The following NEAT1 variants were observed in gnomAD, a reference collection of about 807,000 sequenced individuals.
NEAT1 encodes the protein nuclear paraspeckle assembly transcript 1, also known as MENepsilon/beta.
At chr11:65,442,260 C>T (rs1185370071) in exon 1 of NEAT1, 1 of 152,150 alleles carries the variant, frequency 6.6e-6, no homozygotes, top group Non-Finnish European at 1.5e-5. Flanking sequence ...GGACAGGCCT[C>T]AGGTGGCAAT....
exon 1 of NEAT1, chr11:65,424,670 G>A (rs1396557245): frequency 2.0e-5 from 3 of 152,206 alleles, no homozygotes; most frequent in African/African-American, 2.4e-5. Flanking sequence ...GGTACAAGTT[G>A]GTCATTCCTA....
At chr11:65,435,056 TCTGCACCCAGGTCA>T (rs1194589774) in exon 1 of NEAT1, 2 of 152,254 alleles carry the variant, frequency 1.3e-5, no homozygotes, top group Non-Finnish European at 2.9e-5. Context: ...AACCCAGTGC[TCTGCACCCAGGTCA>T]CACTGTGGCT....
At chr11:65,430,966 G>A (rs1026705222) in exon 1 of NEAT1, 1 of 152,036 alleles carries the variant, frequency 6.6e-6, no homozygotes. Flanking sequence ...TAAGTATGTC[G>A]CCATTGTTGT....
At chr11:65,425,562 G>A (rs1167066819) in exon 1 of NEAT1, 1 of 152,156 alleles carries the variant, frequency 6.6e-6, no homozygotes, top group Non-Finnish European at 1.5e-5. Context: ...GGAAGTCTTA[G>A]AAAAGCCTTG....
At chr11:65,437,347 CCTAA>C (rs1856671286) in exon 1 of NEAT1, 4 of 151,198 alleles carry the variant, frequency 2.6e-5, no homozygotes, top group South Asian at 2.1e-4. Flanking sequence ...CATGTTTTCT[CCTAA>C]CTCTTTTTAT....
exon 1 of NEAT1, chr11:65,433,459 A>G (rs969243323): frequency 1.8e-4 from 28 of 152,300 alleles, no homozygotes; most frequent in African/African-American, 6.7e-4. Flanking sequence ...AGGACACAAC[A>G]TGGCTCTCTT....
chr11:65,427,279 T>A (rs1856570920), exon 1 of NEAT1: 2 of 152,434 alleles, frequency 1.3e-5, no homozygotes, highest in South Asian at 4.1e-4. Context: ...GCCTCTGTGC[T>A]GAGAAGGAAG....
exon 1 of NEAT1, chr11:65,435,402 A>C (rs1856649378): frequency 6.6e-6 from 1 of 152,202 alleles, no homozygotes; most frequent in African/African-American, 2.4e-5. Flanking sequence ...CCTAAAATGG[A>C]ATCATACAAG....
chr11:65,444,807 G>A (rs1005717424), exon 1 of NEAT1: 12 of 253,708 alleles, frequency 4.7e-5, no homozygotes, highest in South Asian at 7.6e-5. Flanking sequence ...ACTTCATTTC[G>A]AGTGATGGCA....
exon 1 of NEAT1, chr11:65,423,496 G>A (rs1590669968): frequency 6.6e-6 from 1 of 152,238 alleles, no homozygotes; most frequent in African/African-American, 2.4e-5. Context: ...GGTGGTCTGA[G>A]GAGTGATGTG....
chr11:65,428,184 T>A (rs1740623464), exon 1 of NEAT1: 1 of 152,234 alleles, frequency 6.6e-6, no homozygotes, highest in Admixed American at 6.5e-5. Flanking sequence ...GGTAATATAA[T>A]AGAATTCAGT....
chr11:65,444,579 G>A (rs774110265), exon 1 of NEAT1: 3 of 470,852 alleles, frequency 6.4e-6, no homozygotes, highest in East Asian at 6.8e-5. Flanking sequence ...CAGAGCTCGT[G>A]GGGGGCTCCC....
chr11:65,422,971 A>T (rs1856513075), exon 1 of NEAT1: 1 of 152,326 alleles, frequency 6.6e-6, no homozygotes, highest in Admixed American at 6.6e-5. Flanking sequence ...GGGGGACCAC[A>T]GTGGGGCAGG....
chr11:65,440,880 A>G (rs1245013468), exon 1 of NEAT1: 1 of 151,114 alleles, frequency 6.6e-6, no homozygotes, highest in African/African-American at 2.4e-5. Context: ...AAGAAAAGGA[A>G]TGAATTAGAA....
exon 1 of NEAT1, chr11:65,426,471 T>G (rs1856563080): frequency 6.6e-6 from 1 of 152,240 alleles, no homozygotes; most frequent in South Asian, 2.1e-4. Context: ...TGTACATAAT[T>G]ACTAATCACT....
exon 1 of NEAT1, chr11:65,435,314 CTAA>C (rs1164915313): frequency 6.6e-6 from 1 of 152,170 alleles, no homozygotes; most frequent in African/African-American, 2.4e-5. Flanking sequence ...AAGATAACTA[CTAA>C]TGACAACTTC....
exon 1 of NEAT1, chr11:65,435,266 T>C (rs541746101): frequency 1.3e-5 from 2 of 152,316 alleles, no homozygotes; most frequent in South Asian, 4.1e-4. Context: ...AAAAAGGCCA[T>C]GTAGAAGATA....
chr11:65,439,191 G>A (rs984485181), exon 1 of NEAT1: 9 of 152,200 alleles, frequency 5.9e-5, no homozygotes, highest in African/African-American at 2.2e-4. Flanking sequence ...CCCTGGAGAA[G>A]TGTCTGTGCT....
At chr11:65,438,936 CTG>C (rs1221218240) in exon 1 of NEAT1, 1 of 152,148 alleles carries the variant, frequency 6.6e-6, no homozygotes, top group African/African-American at 2.4e-5. Context: ...CATATGGTAA[CTG>C]TATATTTTTG....
Sources: gnomAD v4.1 joint callset for allele counts on GRCh38, gnomAD v4.1.1 for gene constraint, MANE v1.5 for transcripts, NCBI Gene and HGNC (gene_info 2026-07-23, HGNC 2026-07-21) for gene names.